The following PTPRD variants were observed in gnomAD, a reference collection of about 807,000 sequenced individuals.
The protein encoded by PTPRD is protein tyrosine phosphatase receptor type D.
In PTPRD, 34 loss-of-function variants were observed where a neutral mutation model predicts 214.5. The observed-to-expected ratio is 0.16, with a 90% CI of 0.12 to 0.21. The LOEUF (loss-of-function observed/expected upper bound fraction) is 0.21. PTPRD is among the 10% of genes least tolerant of loss of function. PTPRD has a pLI of 1.00. For synonymous variants in PTPRD, 1,128 were observed against 845.7 expected, an observed-to-expected ratio of 1.33 and a Z score of -5.79; for missense variants, 2,545 against 2,398.7, an observed-to-expected ratio of 1.06 and a Z score of -1.27.
At chr9:10,231,529 G>C (rs2099609748) in intron 3 of PTPRD, among the ~76,000 whole-genome samples, 1 of 151,874 alleles carries the variant, frequency 6.6e-6, no homozygotes, top group Non-Finnish European at 1.5e-5. Context: ...AGAATATTTG[G>C]GATGGGGGTG....
At chr9:9,658,452 C>A (rs185589574) in intron 7 of PTPRD, among the ~76,000 whole-genome samples, 14 of 152,208 alleles carry the variant, frequency 9.2e-5, no homozygotes, top group Middle Eastern at 3.4e-3. Flanking sequence ...GGAAAGATTT[C>A]CTTCTTTACT....
intron 10 of PTPRD, among the ~76,000 whole-genome samples, chr9:9,115,420 C>T (rs767722346): frequency 2.6e-5 from 4 of 152,004 alleles, no homozygotes; most frequent in East Asian, 1.9e-4. Context: ...AAAATAAAAC[C>T]GCAAGGAGAG....
intron 36 of PTPRD, 130 bp downstream of exon 36, chr9:8,404,407 G>C (rs913147915): frequency 2.7e-5 from 34 of 1,255,836 alleles, no homozygotes; most frequent in Non-Finnish European, 3.5e-5. Context: ...GGGATTACAG[G>C]CGTGAGCCAC....
At chr9:8,812,232 T>G (rs2096823552) in intron 11 of PTPRD, among the ~76,000 whole-genome samples, 1 of 152,224 alleles carries the variant, frequency 6.6e-6, no homozygotes, top group African/African-American at 2.4e-5. Flanking sequence ...ACATTATTTC[T>G]AGCAATTATA....
At chr9:8,818,919 T>C (rs1335939205) in intron 11 of PTPRD, among the ~76,000 whole-genome samples, 1 of 152,156 alleles carries the variant, frequency 6.6e-6, no homozygotes, top group Non-Finnish European at 1.5e-5. Context: ...CCCGGTAACA[T>C]TTGGAAGAAT....
At chr9:10,462,560 T>C (rs10959108) in intron 2 of PTPRD, among the ~76,000 whole-genome samples, 67,808 of 151,070 alleles carry the variant, frequency 0.45, 17,210 homozygotes, top group Non-Finnish European at 0.59. Context: ...AACCAGGACA[T>C]AAGAAAAACT....
chr9:10,231,616 A>G, intron 3 of PTPRD, among the ~76,000 whole-genome samples: 1 of 151,940 alleles, frequency 6.6e-6, no homozygotes, highest in East Asian at 1.9e-4. Flanking sequence ...TCCTCTCTGT[A>G]CCCTTAACAC....
intron 9 of PTPRD, among the ~76,000 whole-genome samples, chr9:9,346,688 C>T (rs1348042120): frequency 1.3e-5 from 2 of 151,800 alleles, no homozygotes; most frequent in Non-Finnish European, 2.9e-5. Flanking sequence ...ACATAAAGTG[C>T]CTTAATTTTT....
intron 3 of PTPRD, among the ~76,000 whole-genome samples, chr9:10,036,589 T>C (rs1394623960): frequency 1.3e-5 from 2 of 151,798 alleles, no homozygotes; most frequent in Non-Finnish European, 2.9e-5. Context: ...TTTTATTTCA[T>C]TTTATTATAT....
intron 8 of PTPRD, among the ~76,000 whole-genome samples, chr9:9,506,448 T>C (rs1257869178): frequency 6.6e-6 from 1 of 151,438 alleles, no homozygotes; most frequent in Non-Finnish European, 1.5e-5. Flanking sequence ...AATCAATCTT[T>C]AGAATCCTGC....
At chr9:8,931,117 C>T (rs2154281800) in intron 11 of PTPRD, among the ~76,000 whole-genome samples, 1 of 152,000 alleles carries the variant, frequency 6.6e-6, no homozygotes, top group Middle Eastern at 3.4e-3. Flanking sequence ...AGTCTTTAAT[C>T]CATCTTGAAT....
chr9:9,327,700 C>A (rs569337775), intron 9 of PTPRD, among the ~76,000 whole-genome samples: 36 of 151,968 alleles, frequency 2.4e-4, no homozygotes, highest in African/African-American at 8.0e-4. Context: ...TGTTGTAATT[C>A]AAGGATAGAG....
chr9:9,716,775 A>G (rs372787293), intron 7 of PTPRD, among the ~76,000 whole-genome samples: 1,530 of 152,050 alleles, frequency 0.01, 21 homozygotes, highest in African/African-American at 0.035. Context: ...AGTAGGTTGC[A>G]AAAATTTTCT....
chr9:9,820,297 T>G (rs1181940169), intron 5 of PTPRD, among the ~76,000 whole-genome samples: 1 of 152,130 alleles, frequency 6.6e-6, no homozygotes, highest in Non-Finnish European at 1.5e-5. Context: ...TTTTAAAAAG[T>G]GTCTGTTCTT....
chr9:10,256,720 A>C (rs2093310976), intron 3 of PTPRD, among the ~76,000 whole-genome samples: 1 of 152,200 alleles, frequency 6.6e-6, no homozygotes, highest in Non-Finnish European at 1.5e-5. Flanking sequence ...CGTGTAGGAT[A>C]AAATTTTATC....
chr9:10,243,162 T>C (rs2154363800), intron 3 of PTPRD, among the ~76,000 whole-genome samples: 1 of 152,092 alleles, frequency 6.6e-6, no homozygotes, highest in Middle Eastern at 3.4e-3. Context: ...GAGGGAGTTA[T>C]TCAGAGACTT....
At chr9:10,584,595 T>C (rs1419220902) in intron 2 of PTPRD, among the ~76,000 whole-genome samples, 1 of 152,166 alleles carries the variant, frequency 6.6e-6, no homozygotes, top group Non-Finnish European at 1.5e-5. Context: ...CTTCCAGCTC[T>C]TGTAAAGGAT....
At chr9:8,995,367 C>A (rs1369295635) in intron 11 of PTPRD, among the ~76,000 whole-genome samples, 1 of 151,976 alleles carries the variant, frequency 6.6e-6, no homozygotes, top group Non-Finnish European at 1.5e-5. Context: ...TCACATTTTC[C>A]TCATCCTCCA....
At chr9:9,091,373 C>A in intron 10 of PTPRD, 1 of 688,682 alleles carries the variant, frequency 1.5e-6, no homozygotes, top group South Asian at 1.6e-5. Flanking sequence ...TTCTGTAAAT[C>A]TCCAATCACC....
Sources: gnomAD v4.1 joint callset for allele counts (sites outside exome capture counted in the v4.1 genomes callset) on GRCh38, gnomAD v4.1.1 for gene constraint, MANE v1.5 for transcripts, NCBI Gene and HGNC (gene_info 2026-07-23, HGNC 2026-07-21) for gene names.